The following RPS6KA6 variants were observed in gnomAD, a reference collection of about 807,000 sequenced individuals.
The protein encoded by RPS6KA6 is ribosomal protein S6 kinase alpha-6.
RPS6KA6 carries 27 observed loss-of-function variants against 65.4 expected under a neutral mutation model. The observed-to-expected ratio is 0.41, with a 90% CI of 0.30 to 0.57. RPS6KA6 has a LOEUF of 0.57. Ranked by LOEUF, RPS6KA6 falls within the 20% of genes least tolerant of loss-of-function variation. The pLI is 0.24. For missense variants in RPS6KA6, 486 were observed against 555.6 expected (o/e 0.87, Z 1.26); for synonymous variants, 190 against 184.2 (o/e 1.03, Z -0.26).
chrX:84,079,550 G>A (rs1229314211), intron 20 of RPS6KA6, among the ~76,000 whole-genome samples: 1 of 111,186 alleles, frequency 9.0e-6, no homozygotes, highest in African/African-American at 3.3e-5. Context: ...CACCCCCACA[G>A]AGCCCAGCAA....
chrX:84,158,493 A>G (rs2035453094), intron 2 of RPS6KA6, among the ~76,000 whole-genome samples: 1 of 111,305 alleles, frequency 9.0e-6, no homozygotes, highest in South Asian at 3.8e-4. Context: ...ATTCTGGCTA[A>G]TGAAATTGTG....
chrX:84,151,040 T>G (rs1023432217), intron 3 of RPS6KA6, among the ~76,000 whole-genome samples: 8 of 92,634 alleles, frequency 8.6e-5, no homozygotes, highest in African/African-American at 3.1e-4. Context: ...AGAGAGGATA[T>G]ATATATAGAG....
At chrX:84,156,935 A>C (rs1402677623) in intron 2 of RPS6KA6, among the ~76,000 whole-genome samples, 1 of 112,074 alleles carries the variant, frequency 8.9e-6, no homozygotes, top group East Asian at 2.8e-4. Context: ...GTTGGAAGGG[A>C]TATCTTATCC....
intron 5 of RPS6KA6, among the ~76,000 whole-genome samples, chrX:84,146,298 T>A (rs2035198136): frequency 8.9e-6 from 1 of 111,765 alleles, no homozygotes; most frequent in Admixed American, 9.5e-5. Context: ...GTATATATTT[T>A]AATGTATTAT....
chrX:84,079,478 T>C (rs1460941008), intron 20 of RPS6KA6, among the ~76,000 whole-genome samples: 1 of 107,572 alleles, frequency 9.3e-6, no homozygotes, highest in Non-Finnish European at 1.9e-5. Flanking sequence ...AAGACAGAAC[T>C]ATTCACTCCC....
At chrX:84,162,230 A>T (rs1483927855) in intron 2 of RPS6KA6, among the ~76,000 whole-genome samples, 1 of 104,330 alleles carries the variant, frequency 9.6e-6, no homozygotes, top group Non-Finnish European at 2.0e-5. Context: ...TTAAAACAGT[A>T]AAAAAAAAAG....
Position 84,065,045 on chromosome X carries a change from G to A in RPS6KA6, c.2038C>T (p.His680Tyr). Residue 680 changes from histidine (H) to tyrosine (Y), a missense_variant, in exon 21 of 22, where the codon CAC becomes TAC. By Grantham distance (83) the His-to-Tyr change is moderately conservative. Coordinates refer to ENST00000262752, the MANE Select transcript of RPS6KA6 (RefSeq NM_014496.5). ...QRYTAEQILK[H>Y]SWITHRDQLP... ...TGGTCTCTGTGAGTTATCCATGAGT[G>A]CTTTAATATTTGTTCAGCAGTATAC... 8.3e-7 allele frequency: 1 copy of A among 1,199,383 alleles called. No individual in the cohort carries two copies. Among genetic ancestry groups the A allele is most frequent in the East Asian group, 3.0e-5 (1 of 33,636 alleles).
At chrX:84,101,344 C>A (rs1455592516) in intron 18 of RPS6KA6, among the ~76,000 whole-genome samples, 2 of 110,814 alleles carry the variant, frequency 1.8e-5, no homozygotes, top group African/African-American at 6.5e-5. Context: ...AGCTCTCATC[C>A]CCATGGTTAG....
chrX:84,086,870 T>C (rs188520437), intron 20 of RPS6KA6, among the ~76,000 whole-genome samples: 22 of 112,003 alleles, frequency 2.0e-4, no homozygotes, highest in African/African-American at 6.8e-4. Flanking sequence ...TATATATTTA[T>C]GATAGTTAGT....
intron 6 of RPS6KA6, among the ~76,000 whole-genome samples, chrX:84,141,844 T>C (rs980440290): frequency 4.5e-5 from 5 of 111,611 alleles, no homozygotes; most frequent in African/African-American, 1.6e-4. Flanking sequence ...TAAAGGTTTA[T>C]GTACCTAATA....
intron 12 of RPS6KA6, among the ~76,000 whole-genome samples, chrX:84,111,218 G>T (rs996772340): frequency 9.1e-6 from 1 of 110,318 alleles, no homozygotes; most frequent in East Asian, 2.8e-4. Flanking sequence ...GACCAAACTT[G>T]CAACTTATAG....
At chrX:84,096,066 T>C (rs2034151511) in intron 20 of RPS6KA6, 128 bp downstream of exon 20, 1 of 492,949 alleles carries the variant, frequency 2.0e-6, no homozygotes, top group Non-Finnish European at 3.6e-6. Flanking sequence ...AATTCACTCA[T>C]AGATGTGTTA....
At chrX:84,135,348 G>T in intron 6 of RPS6KA6, 138 bp from the exon 7 acceptor site, 1 of 404,404 alleles carries the variant, frequency 2.5e-6, no homozygotes, top group Non-Finnish European at 4.3e-6. Flanking sequence ...TTATTTGACT[G>T]GCATAATTAT....
intron 21 of RPS6KA6, 146 bp downstream of exon 21, chrX:84,064,825 A>C (rs1399207585): frequency 3.8e-5 from 16 of 420,399 alleles, no homozygotes; most frequent in Non-Finnish European, 6.2e-5. Flanking sequence ...AGCTAAGAAA[A>C]GTACATGGTT....
chrX:84,168,052 C>T (rs776027953), intron 1 of RPS6KA6, among the ~76,000 whole-genome samples: 69 of 111,798 alleles, frequency 6.2e-4, no homozygotes, highest in Admixed American at 2.1e-3. Context: ...ACTTTGCTAA[C>T]GGATCCATCA....
intron 6 of RPS6KA6, among the ~76,000 whole-genome samples, chrX:84,138,061 T>A (rs1001206476): frequency 1.1e-4 from 12 of 111,907 alleles, no homozygotes; most frequent in Non-Finnish European, 1.9e-5. Context: ...TTTATGTAAG[T>A]AAGATTTATT....
intron 8 of RPS6KA6, among the ~76,000 whole-genome samples, chrX:84,132,657 C>T (rs1033015976): frequency 9.3e-6 from 1 of 107,405 alleles, no homozygotes; most frequent in African/African-American, 3.3e-5. Flanking sequence ...AGGAAAAAAA[C>T]TTAAGTTTTA....
chrX:84,152,958 C>T (rs1197079081), intron 3 of RPS6KA6, among the ~76,000 whole-genome samples: 1 of 111,511 alleles, frequency 9.0e-6, no homozygotes, highest in Non-Finnish European at 1.9e-5. Context: ...CTAATCCAAT[C>T]ATGGGAAATT....
intron 20 of RPS6KA6, among the ~76,000 whole-genome samples, chrX:84,090,206 T>C (rs1210491518): frequency 1.8e-5 from 2 of 112,184 alleles, no homozygotes; most frequent in African/African-American, 6.5e-5. Flanking sequence ...ATAACTTCCA[T>C]ATATACTTCA....
Sources: allele counts gnomAD v4.1 joint callset (sites outside exome capture counted in the v4.1 genomes callset), GRCh38; gene constraint gnomAD v4.1.1; transcripts MANE v1.5; gene names NCBI Gene and HGNC (gene_info 2026-07-23, HGNC 2026-07-21).